The following ARB2A variants were observed in gnomAD, a reference collection of about 807,000 sequenced individuals.
ARB2A encodes the protein cotranscriptional regulator ARB2A.
the ARB2A span, among the ~76,000 whole-genome samples, chr5:93,635,020 C>T: frequency 6.6e-6 from 1 of 152,148 alleles, no homozygotes; most frequent in African/African-American, 2.4e-5. Context: ...GTGATCCGCC[C>T]GTTCTGGCCT....
the ARB2A span, among the ~76,000 whole-genome samples, chr5:93,666,500 A>G: frequency 1.3e-5 from 2 of 151,018 alleles, no homozygotes; most frequent in Non-Finnish European, 2.9e-5. Flanking sequence ...ATAGTGCTAT[A>G]TCCTTTTTTT....
At chr5:94,026,723 T>C in the ARB2A span, among the ~76,000 whole-genome samples, 1 of 152,186 alleles carries the variant, frequency 6.6e-6, no homozygotes, top group East Asian at 1.9e-4. Context: ...ATTTGACCTG[T>C]AGCTTGGCTT....
At chr5:93,709,657 A>AC in the ARB2A span, among the ~76,000 whole-genome samples, 4 of 144,948 alleles carry the variant, frequency 2.8e-5, no homozygotes, top group Non-Finnish European at 4.5e-5. Flanking sequence ...AAAAAAAAAA[A>AC]CCATAAATAA....
At chr5:93,627,993 G>A in the ARB2A span, among the ~76,000 whole-genome samples, 1 of 150,684 alleles carries the variant, frequency 6.6e-6, no homozygotes, top group Non-Finnish European at 1.5e-5. Context: ...AAACAAATGT[G>A]CTGTCATCCA....
the ARB2A span, among the ~76,000 whole-genome samples, chr5:93,754,155 C>T: frequency 6.6e-6 from 1 of 152,322 alleles, no homozygotes; most frequent in Admixed American, 6.5e-5. Context: ...TCTTAAAGGA[C>T]TGGTAAAACA....
the ARB2A span, among the ~76,000 whole-genome samples, chr5:93,916,213 T>C: frequency 6.6e-6 from 1 of 152,108 alleles, no homozygotes; most frequent in Non-Finnish European, 1.5e-5. Context: ...TGAGAAAAAC[T>C]GATAGCACAT....
chr5:93,662,478 T>A, the ARB2A span, among the ~76,000 whole-genome samples: 1 of 152,180 alleles, frequency 6.6e-6, no homozygotes, highest in African/African-American at 2.4e-5. Flanking sequence ...TTAAGATATA[T>A]CTTAGGAAAA....
At chr5:93,686,603 C>T in the ARB2A span, among the ~76,000 whole-genome samples, 1 of 152,172 alleles carries the variant, frequency 6.6e-6, no homozygotes, top group South Asian at 2.1e-4. Flanking sequence ...CACTTCTCAA[C>T]CTTTGCTGGA....
At chr5:94,034,615 T>G in the ARB2A span, among the ~76,000 whole-genome samples, 1 of 152,206 alleles carries the variant, frequency 6.6e-6, no homozygotes. Context: ...TAAGAACCCT[T>G]ATTCTGTTTT....
At chr5:94,016,589 G>A in the ARB2A span, among the ~76,000 whole-genome samples, 1 of 152,196 alleles carries the variant, frequency 6.6e-6, no homozygotes. Context: ...GTTACATGGT[G>A]TAAGCCAGCC....
chr5:94,108,944 AAGC>A, the ARB2A span, among the ~76,000 whole-genome samples: 35 of 152,210 alleles, frequency 2.3e-4, no homozygotes, highest in African/African-American at 7.7e-4. Flanking sequence ...AAAGAAATGA[AAGC>A]AGAGAGTTGA....
At chr5:93,923,447 G>T in the ARB2A span, among the ~76,000 whole-genome samples, 1 of 151,968 alleles carries the variant, frequency 6.6e-6, no homozygotes, top group Non-Finnish European at 1.5e-5. Context: ...TCAACTGCAG[G>T]AATTGTGGGT....
the ARB2A span, among the ~76,000 whole-genome samples, chr5:93,961,628 A>C: frequency 1.3e-5 from 2 of 152,170 alleles, no homozygotes; most frequent in Non-Finnish European, 2.9e-5. Flanking sequence ...AGGCTGCACT[A>C]AGCCATGACT....
the ARB2A span, among the ~76,000 whole-genome samples, chr5:93,775,163 T>C: frequency 6.6e-5 from 10 of 152,266 alleles, no homozygotes; most frequent in South Asian, 1.9e-3. Context: ...TGAAGCTCAG[T>C]TGAAGTTTAG....
At chr5:93,827,832 A>G in the ARB2A span, among the ~76,000 whole-genome samples, 1 of 151,906 alleles carries the variant, frequency 6.6e-6, no homozygotes, top group African/African-American at 2.4e-5. Context: ...CAGTTTTCCC[A>G]GCACCATTTA....
the ARB2A span, chr5:93,618,807 G>C: frequency 1.3e-5 from 2 of 152,176 alleles, no homozygotes; most frequent in Non-Finnish European, 2.9e-5. Flanking sequence ...AGTATTAGAG[G>C]CAATTAAATA....
the ARB2A span, among the ~76,000 whole-genome samples, chr5:93,843,316 T>G: frequency 2.8e-3 from 420 of 152,178 alleles, 2 homozygotes; most frequent in Non-Finnish European, 4.5e-3. Flanking sequence ...AAATAGACAC[T>G]TGAAAGAAAC....
At chr5:93,642,154 A>C in the ARB2A span, among the ~76,000 whole-genome samples, 4 of 151,920 alleles carry the variant, frequency 2.6e-5, no homozygotes, top group Admixed American at 1.3e-4. Flanking sequence ...CTAATTAAAA[A>C]AATATTTTTG....
the ARB2A span, among the ~76,000 whole-genome samples, chr5:93,967,641 G>A: frequency 6.6e-6 from 1 of 152,044 alleles, no homozygotes; most frequent in African/African-American, 2.4e-5. Context: ...TTACTTCCAG[G>A]AGGGCTACTA....
Sources: gnomAD v4.1 joint callset for allele counts (sites outside exome capture counted in the v4.1 genomes callset) on GRCh38, gnomAD v4.1.1 for gene constraint, MANE v1.5 for transcripts, NCBI Gene and HGNC (gene_info 2026-07-23, HGNC 2026-07-21) for gene names.